LMX1B: variants seen among roughly 807,000 people sequenced by gnomAD.
The protein encoded by LMX1B is LIM homeobox transcription factor 1-beta.
Under a neutral mutation model 51.4 loss-of-function variants are expected in LMX1B, and 12 were observed. That is an observed-to-expected ratio of 0.23 (90% confidence interval 0.15 to 0.38). LMX1B has a LOEUF of 0.38. Among genes scored for constraint, LMX1B ranks in the 10% least tolerant of loss-of-function variants. The pLI is 1.00. For synonymous variants in LMX1B, 237 were observed against 235.4 expected (o/e 1.01, Z -0.06); for missense variants, 445 against 571.1 (o/e 0.78, Z 2.25).
chr9:126,671,191 T>G lies in LMX1B; in HGVS notation c.327-19645T>G, dbSNP rs1016345098. 2.0e-5 allele frequency among the ~76,000 whole-genome samples: 3 copies of G among 152,204 alleles called. No individual in the cohort carries two copies. The highest frequency in any genetic ancestry group is 4.4e-5 in the Non-Finnish European group (3 of 68,022). On this transcript the variant is annotated intron_variant, in intron 2 of 7. Transcript: ENST00000373474. This position sits in a 1 kb window ranked among gnomAD's most constrained non-coding sequence, Gnocchi z 4.4. ...AATCCCACCCCAGTAAACCCAGCTC[T>G]GCTTCGCCACCGCCGAGCTCTGAGC...
rs1026644166 is a variant in LMX1B at position 126,624,020 on chromosome 9, A to G, written c.326+8451A>G. On this transcript the variant is annotated intron_variant, in intron 2 of 7. Transcript: ENST00000373474. ...CGCGGGCACCAGCGGCGGTTGATGA[A>G]TTTCGGTGTCACCAGGGGTTTAGCC... 2.6e-5 allele frequency among the ~76,000 whole-genome samples: 4 copies of G among 152,166 alleles called. No individual in the cohort carries two copies. In the South Asian group the frequency reaches 8.3e-4, roughly 31 times the overall value.
At chr9:126,640,640 G>A (rs1470587713) in intron 2 of LMX1B, 2 of 152,384 alleles carry the variant, frequency 1.3e-5, no homozygotes, top group Non-Finnish European at 2.9e-5. Flanking sequence ...TGGCCTCCTT[G>A]GGAAGGGTAG....
chr9:126,666,698 C>T (rs1225153073), intron 2 of LMX1B, among the ~76,000 whole-genome samples: 4 of 152,182 alleles, frequency 2.6e-5, no homozygotes, highest in Non-Finnish European at 5.9e-5. Context: ...TGTCCTGTTG[C>T]GTGTAAGTGG....
rs913850697 is a variant in LMX1B at position 126,698,218 on chromosome 9, C to G, written c.*1767C>G. ...TGAATGAGGGACCGTGACCTCTTTCCTTTTCCATTCCTTCTTACTCGATTC... is the reference window on the plus strand; with the variant it reads ...TGAATGAGGGACCGTGACCTCTTTCGTTTTCCATTCCTTCTTACTCGATTC... On this transcript the variant is annotated 3_prime_UTR_variant, in exon 8 of 8. Transcript: ENST00000373474. 2 of 152,512 alleles carry G rather than the reference C, an allele frequency of 1.3e-5. No homozygotes were observed. The highest frequency in any genetic ancestry group is 2.1e-4 in the South Asian group (1 of 4,826). 9.4% of individuals were successfully genotyped at this position (152,512 alleles called of 1,614,324 possible). A position where few individuals can be genotyped will look rare whatever the true frequency, so the allele number is the denominator to read the frequency against.
At chr9:126,659,875 G>C (rs535502877) in intron 2 of LMX1B, among the ~76,000 whole-genome samples, 1 of 135,176 alleles carries the variant, frequency 7.4e-6, no homozygotes, top group African/African-American at 2.8e-5. Context: ...CTTAGAGATT[G>C]TCCTATCTGG....
At chr9:126,669,034 C>T (rs567967020) in intron 2 of LMX1B, among the ~76,000 whole-genome samples, 23 of 152,382 alleles carry the variant, frequency 1.5e-4, no homozygotes, top group African/African-American at 5.5e-4. Context: ...ACGGAAGCAG[C>T]AGCAGGCCTG....
intron 2 of LMX1B, among the ~76,000 whole-genome samples, chr9:126,630,103 A>C (rs1428399602): frequency 7.0e-6 from 1 of 142,350 alleles, no homozygotes; most frequent in Non-Finnish European, 1.5e-5. Context: ...CGGAGCTTGC[A>C]GTGAGCCGAG....
intron 2 of LMX1B, among the ~76,000 whole-genome samples, chr9:126,629,287 G>A (rs1043563203): frequency 4.6e-5 from 7 of 152,182 alleles, no homozygotes; most frequent in Non-Finnish European, 8.8e-5. Flanking sequence ...CTGACGGGCC[G>A]GGCAGACCTG....
chr9:126,672,508 C>T (rs904907467), intron 2 of LMX1B, among the ~76,000 whole-genome samples: 11 of 152,104 alleles, frequency 7.2e-5, no homozygotes, highest in African/African-American at 1.2e-4. Flanking sequence ...GCCCCTCTCC[C>T]GAGTCTGGAA....
Position 126,614,470 on chromosome 9 carries a change from C to G in LMX1B, c.21C>G (p.Pro7=). The change falls in exon 1 of 8, where the codon CCC becomes CCG. Residue 7 remains proline, a synonymous_variant. Coordinates refer to ENST00000373474, the MANE Select transcript of LMX1B (RefSeq NM_001174147.2). ...GTCCCATGGATATAGCAACAGGTCC[C>G]GAGTCGCTGGAGAGGTGCTTCCCTC... is the stretch of plus-strand genomic sequence containing the variant. MDIATG[P]ESLERCFPRG... 4 of 1,582,004 alleles carry G rather than the reference C, an allele frequency of 2.5e-6. No individual in the cohort carries two copies. Among genetic ancestry groups the G allele is most frequent in the South Asian group, 1.2e-5 (1 of 86,832 alleles).
intron 2 of LMX1B, among the ~76,000 whole-genome samples, chr9:126,657,986 C>T (rs945418770): frequency 6.6e-6 from 1 of 152,130 alleles, no homozygotes; most frequent in Admixed American, 6.5e-5. Context: ...GTCCAGTGAT[C>T]AGAGTTTCCA....
At chr9:126,619,487 A>G (rs1835369346) in intron 2 of LMX1B, among the ~76,000 whole-genome samples, 1 of 152,158 alleles carries the variant, frequency 6.6e-6, no homozygotes. Flanking sequence ...AAACTCATTC[A>G]GGGCTGCAGA....
intron 2 of LMX1B, among the ~76,000 whole-genome samples, chr9:126,689,841 A>G (rs1446669367): frequency 1.3e-5 from 2 of 152,210 alleles, no homozygotes; most frequent in African/African-American, 4.8e-5. Context: ...GCCTCTTAGC[A>G]CCTCAATTTC....
At chr9:126,693,690 C>T in intron 5 of LMX1B, 56 bp from the exon 6 acceptor site, 1 of 1,586,142 alleles carries the variant, frequency 6.3e-7, no homozygotes, top group South Asian at 1.1e-5. Flanking sequence ...GGGCGTGGGG[C>T]TGGCTGTGCC....
At chr9:126,661,653 T>G (rs1339313759) in intron 2 of LMX1B, among the ~76,000 whole-genome samples, 1 of 152,082 alleles carries the variant, frequency 6.6e-6, no homozygotes, top group African/African-American at 2.4e-5. Flanking sequence ...TGGAGCCCTG[T>G]GGGGCCCCGC....
intron 2 of LMX1B, among the ~76,000 whole-genome samples, chr9:126,668,443 T>TTTATTA (rs61392859): frequency 0.095 from 13,997 of 146,862 alleles, 932 homozygotes; most frequent in East Asian, 0.31. Flanking sequence ...AGAAGCAGGA[T>TTTATTA]TTATTATTAT....
At position 126,615,701 on chromosome 9, in the gene LMX1B, C is replaced by A; in HGVS notation, c.326+132C>A. 1 of 777,292 alleles carries A rather than the reference C, an allele frequency of 1.3e-6. No homozygotes were observed. The highest frequency in any genetic ancestry group is 3.2e-5 in the East Asian group (1 of 30,902). The allele number at this position is 777,292 out of a possible 1,614,324, so 48.1% of individuals were successfully genotyped here. ...CTGGGCCGGGCAGCTCCAAGGGTTC[C>A]GAGAGCTGCGCGTCTTGGGGCTGGG... On this transcript the variant is annotated intron_variant, in intron 2 of 7. Coordinates refer to ENST00000373474, the MANE Select transcript of LMX1B (RefSeq NM_001174147.2). This position sits in a 1 kb window ranked among gnomAD's most constrained non-coding sequence, Gnocchi z 6.0.
chr9:126,695,968 C>G lies in LMX1B; in HGVS notation c.1016C>G (p.Pro339Arg). The change falls in exon 7 of 8, where the codon CCG becomes CGG. Residue 339 changes from proline (P) to arginine (R), a missense_variant. Transcript: ENST00000373474. This position sits in a 1 kb window ranked among gnomAD's most constrained non-coding sequence, Gnocchi z 5.2. ...SSDPFQQGLT[P>R]PQMPGDHMNP... Reference sequence around the variant, plus strand: ...GACCCCTTCCAGCAGGGCCTCACGCCGCCCCAAATGCCAGGTGACCACATG... The same window carrying G: ...GACCCCTTCCAGCAGGGCCTCACGCGGCCCCAAATGCCAGGTGACCACATG... 1 of 1,612,440 alleles carries G rather than the reference C, an allele frequency of 6.2e-7. No individual in the cohort carries two copies. Among genetic ancestry groups the G allele is most frequent in the Non-Finnish European group, 8.5e-7 (1 of 1,179,434 alleles).
intron 2 of LMX1B, among the ~76,000 whole-genome samples, chr9:126,655,381 T>A (rs1022027418): frequency 1.3e-5 from 2 of 150,132 alleles, no homozygotes; most frequent in Non-Finnish European, 3.0e-5. Context: ...CCGGTGGGGG[T>A]GAGGGAGCTG....
Sources: allele counts gnomAD v4.1 joint callset (sites outside exome capture counted in the v4.1 genomes callset), GRCh38; gene constraint gnomAD v4.1.1; non-coding constraint Gnocchi (gnomAD v3.1); transcripts MANE v1.5; gene names NCBI Gene and HGNC (gene_info 2026-07-23, HGNC 2026-07-21).